KLF6: variants seen among roughly 807,000 people sequenced by gnomAD.
KLF6 encodes the protein KLF transcription factor 6, also known as Krueppel-like factor 6.
For synonymous variants in KLF6, 152 were observed against 147.9 expected (o/e 1.03, Z -0.20); for missense variants, 233 against 359.8 (o/e 0.65, Z 2.85).
In KLF6 at chr10:3,778,885, T is replaced by C. The variant is rs577887487; in HGVS notation, c.*654A>G. 524 of 534,098 alleles carry C rather than the reference T, an allele frequency of 9.8e-4. 2 individuals carry two copies. Among genetic ancestry groups the C allele is most frequent in the Admixed American group, 1.6e-3 (73 of 45,026 alleles). 33.1% of individuals were successfully genotyped at this position (534,098 alleles called of 1,614,324 possible). On this transcript the variant is annotated 3_prime_UTR_variant, in exon 4 of 4. Transcript: ENST00000497571. ...CGTGTAAAACAAGCTACTTGACACA[T>C]TGCACATTTAATAGCTGCACCAGAC...
chr10:3,778,557 A>G lies in KLF6; in HGVS notation c.*982T>C. 1 of 520,438 alleles carries G rather than the reference A, an allele frequency of 1.9e-6. No homozygotes were observed. Among genetic ancestry groups the G allele is most frequent in the Non-Finnish European group, 3.7e-6 (1 of 267,722 alleles). 32.2% of individuals were successfully genotyped at this position (520,438 alleles called of 1,614,324 possible). A position where few individuals can be genotyped will look rare whatever the true frequency, so the allele number is the denominator to read the frequency against. ...TCCAAAAAGTTAATTCAAATTCAGA[A>G]TCATTTAAAAATAATCCTGTGTTGC... is the stretch of plus-strand genomic sequence containing the variant. On this transcript the variant is annotated 3_prime_UTR_variant, in exon 4 of 4. Transcript: ENST00000497571.
In KLF6 at chr10:3,777,815, A is replaced by G. The variant is rs1485737661; in HGVS notation, c.*1724T>C. 1 of 478,154 alleles carries G rather than the reference A, an allele frequency of 2.1e-6. No individual in the cohort carries two copies. Among genetic ancestry groups the G allele is most frequent in the East Asian group, 5.0e-5 (1 of 20,106 alleles). The allele number at this position is 478,154 out of a possible 1,614,324, so 29.6% of individuals were successfully genotyped here. A position where few individuals can be genotyped will look rare whatever the true frequency, so the allele number is the denominator to read the frequency against. ...TACACACAAATATACATACACAAGAATTCTGCCCACTTTTTTAAAAAAGTA... is the reference window on the plus strand; with the variant it reads ...TACACACAAATATACATACACAAGAGTTCTGCCCACTTTTTTAAAAAAGTA... On this transcript the variant is annotated 3_prime_UTR_variant, in exon 4 of 4. Transcript: ENST00000497571.
rs753904406 is a variant in KLF6 at position 3,777,476 on chromosome 10, G to C, written c.*2063C>G. 53 of 512,386 alleles carry C rather than the reference G, an allele frequency of 1.0e-4. No homozygotes were observed. The highest frequency in any genetic ancestry group is 3.5e-4 in the South Asian group (23 of 64,982). 31.7% of individuals were successfully genotyped at this position (512,386 alleles called of 1,614,324 possible). Reference sequence around the variant, plus strand: ...CCTTAGTGTGTCCGAGTCCAGCCTGGGTTCCAGCATTCTGTTCAGGCCACT... The same window carrying C: ...CCTTAGTGTGTCCGAGTCCAGCCTGCGTTCCAGCATTCTGTTCAGGCCACT... On this transcript the variant is annotated 3_prime_UTR_variant, in exon 4 of 4. Transcript: ENST00000497571.
Position 3,781,509 on chromosome 10 carries a change from A to C in KLF6, c.676+132T>G, listed in dbSNP as rs1340811069. 2 of 1,552,848 alleles carry C rather than the reference A, an allele frequency of 1.3e-6. No homozygotes were observed. The highest frequency in any genetic ancestry group is 2.7e-5 in the African/African-American group (2 of 73,218). The stretch of plus-strand genomic sequence containing the variant: ...CAAAAAGACCTAATGCTTTGGTGGA[A>C]AACATCTGAGGAAGTGAGGATTTGT... On this transcript the variant is annotated intron_variant, in intron 2 of 3. Transcript: ENST00000497571. The surrounding 1 kb of genome is among the most constrained non-coding windows in gnomAD (Gnocchi z 5.8).
chr10:3,779,955 C>G, intron 3 of KLF6, 151 bp downstream of exon 3: 1 of 1,010,448 alleles, frequency 9.9e-7, no homozygotes. Context: ...ACACCAGAAA[C>G]TTTCTAAAAA....
chr10:3,784,856 C>G (rs1716866603), intron 1 of KLF6, 57 bp downstream of exon 1: 1 of 1,543,426 alleles, frequency 6.5e-7, no homozygotes, highest in Non-Finnish European at 8.8e-7. Flanking sequence ...GAACCCCAAA[C>G]AGCCGACCCG....
chr10:3,784,763 A>G, intron 1 of KLF6, 150 bp downstream of exon 1: 1 of 689,744 alleles, frequency 1.4e-6, no homozygotes, highest in South Asian at 2.4e-5. Flanking sequence ...AGCCTGGAGG[A>G]TCGATCGGCG....
At chr10:3,779,820 A>G (rs540568783) in intron 3 of KLF6, among the ~76,000 whole-genome samples, 1 of 152,376 alleles carries the variant, frequency 6.6e-6, no homozygotes, top group East Asian at 1.9e-4. Context: ...GAGAATCTGA[A>G]CGGACTTCAT....
Position 3,776,256 on chromosome 10 carries a change from TTGAGCAA to T in KLF6, c.*3276_*3282del, listed in dbSNP as rs1313297622. On this transcript the variant is annotated 3_prime_UTR_variant, in exon 4 of 4. Coordinates refer to ENST00000497571, the MANE Select transcript of KLF6 (RefSeq NM_001300.6). ...GTGCCTCTGCAATGCATTCCCTGGC[TTGAGCAA>T]TGGAAGATCAAACCGGCATGGTTCC... 3.8e-6 allele frequency: 2 copies of T among 525,864 alleles called. No individual in the cohort carries two copies. Among genetic ancestry groups the T allele is most frequent in the Non-Finnish European group, 7.4e-6 (2 of 271,988 alleles). 32.6% of individuals were successfully genotyped at this position (525,864 alleles called of 1,614,324 possible). A position where few individuals can be genotyped will look rare whatever the true frequency, so the allele number is the denominator to read the frequency against.
At chr10:3,779,995 A>C in intron 3 of KLF6, 111 bp downstream of exon 3, 2 of 1,360,582 alleles carry the variant, frequency 1.5e-6, no homozygotes, top group Non-Finnish European at 2.1e-6. Context: ...ATGTTCACAC[A>C]TAGGAAACTG....
In KLF6 at chr10:3,779,132, C is replaced by CTT; in HGVS notation, c.*405_*406dup. The stretch of plus-strand genomic sequence containing the variant: ...GGTCATCTCATCTCATGGTATACTC[C>CTT]TTACACACAAAACATTCAAACTACT... On this transcript the variant is annotated 3_prime_UTR_variant, in exon 4 of 4. Coordinates refer to ENST00000497571, the MANE Select transcript of KLF6 (RefSeq NM_001300.6). 1.9e-6 allele frequency: 1 copy of CTT among 538,800 alleles called. No homozygotes were observed. The highest frequency in any genetic ancestry group is 3.6e-6 in the Non-Finnish European group (1 of 279,308). The allele number at this position is 538,800 out of a possible 1,614,324, so 33.4% of individuals were successfully genotyped here. A position where few individuals can be genotyped will look rare whatever the true frequency, so the allele number is the denominator to read the frequency against.
At chr10:3,784,548 G>T (rs1229550231) in intron 1 of KLF6, among the ~76,000 whole-genome samples, 2 of 147,448 alleles carry the variant, frequency 1.4e-5, no homozygotes, top group African/African-American at 5.0e-5. Flanking sequence ...CAAGCACCAA[G>T]AAACAAAACA....
rs1482239005 is a variant in KLF6 at position 3,782,056 on chromosome 10, C to G, written c.261G>C (p.Glu87Asp). 1.2e-6 allele frequency: 2 copies of G among 1,614,062 alleles called. No homozygotes were observed. The highest frequency in any genetic ancestry group is 1.3e-5 in the African/African-American group (1 of 74,916). ...SELKISSSPP[E>D]DTLISPSFCY... ...AAAAGCTCGGGCTGATGAGAGTGTC[C>G]TCTGGAGGACTGGAAGATATCTTCA... Residue 87 changes from glutamate to aspartate, a missense_variant, in exon 2 of 4, where the codon GAG (glutamate) becomes GAC (aspartate). Transcript: ENST00000497571. The surrounding 1 kb of genome is among the most constrained non-coding windows in gnomAD (Gnocchi z 4.3).
rs1156699411 is a variant in KLF6, at chr10:3,778,236, T to C, written c.*1303A>G. The stretch of plus-strand genomic sequence containing the variant: ...GTGAAACAAGAGCCTTAATAAAGCA[T>C]GCATCGCCCACACCCCTGTATGAGA... On this transcript the variant is annotated 3_prime_UTR_variant, in exon 4 of 4. Coordinates refer to ENST00000497571, the MANE Select transcript of KLF6 (RefSeq NM_001300.6). 1.3e-5 allele frequency: 7 copies of C among 526,644 alleles called. No homozygotes were observed. The highest frequency in any genetic ancestry group is 2.2e-5 in the Admixed American group (1 of 44,754). The allele number at this position is 526,644 out of a possible 1,614,324, so 32.6% of individuals were successfully genotyped here.
Position 3,777,736 on chromosome 10 carries a change from ATTTATATATTATC to A in KLF6, c.*1790_*1802del. On this transcript the variant is annotated 3_prime_UTR_variant, in exon 4 of 4. Transcript: ENST00000497571. ...ATTCTAGTTTCTCCTTAAAAAAAAT[ATTTATATATTATC>A]TATATATATAATATATATATATACA... The A allele has an allele frequency of 3.0e-6, 1 of 335,144 alleles. No homozygotes were observed. The highest frequency in any genetic ancestry group is 5.7e-6 in the Non-Finnish European group (1 of 175,358). 20.8% of individuals were successfully genotyped at this position (335,144 alleles called of 1,614,324 possible). A position where few individuals can be genotyped will look rare whatever the true frequency, so the allele number is the denominator to read the frequency against.
chr10:3,776,718 A>C lies in KLF6; in HGVS notation c.*2821T>G, dbSNP rs1832385799. 1 of 466,420 alleles carries C rather than the reference A, an allele frequency of 2.1e-6. No homozygotes were observed. The highest frequency in any genetic ancestry group is 2.1e-5 in the African/African-American group (1 of 47,696). The allele number at this position is 466,420 out of a possible 1,614,324, so 28.9% of individuals were successfully genotyped here. ...GGGTGCTTCCAAAAAAAAAAAAAAAAGAAATTTCACTAATAGAAATTTTTT... is the reference window on the plus strand; with the variant it reads ...GGGTGCTTCCAAAAAAAAAAAAAAACGAAATTTCACTAATAGAAATTTTTT... On this transcript the variant is annotated 3_prime_UTR_variant, in exon 4 of 4. Coordinates refer to ENST00000497571, the MANE Select transcript of KLF6 (RefSeq NM_001300.6).
At position 3,780,092 on chromosome 10, in the gene KLF6, C is replaced by A; in HGVS notation, c.800+14G>T. ...CCCCACGCTCCTTGCCCAGCATTGT[C>A]CTCAGGCACGTACCTGTCACAGTGG... On this transcript the variant is annotated intron_variant, in intron 3 of 3. Coordinates refer to ENST00000497571, the MANE Select transcript of KLF6 (RefSeq NM_001300.6). The surrounding 1 kb of genome is among the most constrained non-coding windows in gnomAD (Gnocchi z 4.6). 6.2e-7 allele frequency: 1 copy of A among 1,614,188 alleles called. No individual in the cohort carries two copies. The highest frequency in any genetic ancestry group is 8.5e-7 in the Non-Finnish European group (1 of 1,180,038).
At position 3,779,269 on chromosome 10, in the gene KLF6, T is replaced by C. The variant is rs1343124137; in HGVS notation, c.*270A>G. On this transcript the variant is annotated 3_prime_UTR_variant, in exon 4 of 4. Coordinates refer to ENST00000497571, the MANE Select transcript of KLF6 (RefSeq NM_001300.6). ...TCAACCCAACCATTAGCATTCTCAG[T>C]GTGCATGCTCACGGCAAAGGCTTAG... 1.6e-6 allele frequency: 1 copy of C among 626,142 alleles called. No homozygotes were observed. Among genetic ancestry groups the C allele is most frequent in the Non-Finnish European group, 3.0e-6 (1 of 336,732 alleles). 38.8% of individuals were successfully genotyped at this position (626,142 alleles called of 1,614,324 possible). A position where few individuals can be genotyped will look rare whatever the true frequency, so the allele number is the denominator to read the frequency against.
chr10:3,781,316 A>T lies in KLF6; in HGVS notation c.676+325T>A, dbSNP rs1365111465. On this transcript the variant is annotated intron_variant, in intron 2 of 3. Transcript: ENST00000497571. The surrounding 1 kb of genome is among the most constrained non-coding windows in gnomAD (Gnocchi z 5.8). The stretch of plus-strand genomic sequence containing the variant: ...GCTCGAGGTAGCCTCGTGCGAGTGC[A>T]CTGGTGAAGGGGCAGTGGCCTCGGA... The T allele has an allele frequency of 9.5e-7, 1 of 1,052,892 alleles. No individual in the cohort carries two copies. The highest frequency in any genetic ancestry group is 1.3e-6 in the Non-Finnish European group (1 of 753,318). 65.2% of individuals were successfully genotyped at this position (1,052,892 alleles called of 1,614,324 possible).
Sources: gnomAD v4.1 joint callset for allele counts (sites outside exome capture counted in the v4.1 genomes callset) on GRCh38, gnomAD v4.1.1 for gene constraint, Gnocchi (gnomAD v3.1) non-coding constraint, MANE v1.5 for transcripts, NCBI Gene and HGNC (gene_info 2026-07-23, HGNC 2026-07-21) for gene names.